The following FIGN variants were observed in gnomAD, a reference collection of about 807,000 sequenced individuals.
The protein encoded by FIGN is fidgetin.
A neutral mutation model predicts 51.3 loss-of-function variants in FIGN; 11 were observed. The observed-to-expected ratio is 0.21, with a 90% CI of 0.13 to 0.35. The LOEUF (loss-of-function observed/expected upper bound fraction) is 0.35. Ranked by LOEUF, FIGN falls within the 10% of genes least tolerant of loss-of-function variation. The probability of loss-of-function intolerance (pLI) is 1.00; values close to 1 mark genes in which losing one functional copy is unlikely to be tolerated. For missense variants in FIGN, 857 were observed against 943.6 expected, an observed-to-expected ratio of 0.91 and a Z score of 1.20; for synonymous variants, 407 against 363.2, an observed-to-expected ratio of 1.12 and a Z score of -1.37.
chr2:163,661,185 G>T (rs562892384), intron 2 of FIGN, among the ~76,000 whole-genome samples: 157 of 149,926 alleles, frequency 1.0e-3, no homozygotes, highest in Middle Eastern at 0.01. Flanking sequence ...CGCCTGGCTA[G>T]ATTTTTTTAA....
chr2:163,663,514 A>G (rs1209864036), intron 2 of FIGN, among the ~76,000 whole-genome samples: 2 of 151,252 alleles, frequency 1.3e-5, no homozygotes, highest in East Asian at 4.1e-4. Flanking sequence ...TTGTATTTTT[A>G]GTAGAGACGG....
At chr2:163,655,617 C>T (rs1683546409) in intron 2 of FIGN, among the ~76,000 whole-genome samples, 1 of 152,082 alleles carries the variant, frequency 6.6e-6, no homozygotes, top group Non-Finnish European at 1.5e-5. Context: ...TGTTTTCATA[C>T]ATCATATTGG....
At chr2:163,691,901 T>A (rs1202446713) in intron 2 of FIGN, among the ~76,000 whole-genome samples, 1 of 152,186 alleles carries the variant, frequency 6.6e-6, no homozygotes, top group Non-Finnish European at 1.5e-5. Flanking sequence ...CCAAATCTTT[T>A]TAAGTTTCTT....
chr2:163,697,775 A>G (rs1684346480), intron 2 of FIGN, among the ~76,000 whole-genome samples: 1 of 152,196 alleles, frequency 6.6e-6, no homozygotes, highest in South Asian at 2.1e-4. Flanking sequence ...AATAGAGATA[A>G]TAAGAGTTAT....
chr2:163,717,309 G>A (rs951310830), intron 2 of FIGN, among the ~76,000 whole-genome samples: 2 of 152,142 alleles, frequency 1.3e-5, no homozygotes. Context: ...GAGAAAGAGA[G>A]CAATTTTTGC....
rs1259989176 is a variant in FIGN, at chr2:163,730,485, T to C, written c.25+4418A>G. On this transcript the variant is annotated intron_variant, in intron 2 of 2. Transcript: ENST00000333129. ...AATAAACAATAATATAGGTACAATC[T>C]CTCTCTCTTGCTCCGTGTTTGTGTG... Among the ~76,000 whole-genome samples the C allele has an allele frequency of 2.0e-5, 3 of 149,968 alleles. No individual in the cohort carries two copies. The East Asian group carries it at 5.9e-4, about 29-fold the overall frequency.
At chr2:163,709,128 C>T (rs1684548588) in intron 2 of FIGN, among the ~76,000 whole-genome samples, 1 of 152,052 alleles carries the variant, frequency 6.6e-6, no homozygotes, top group South Asian at 2.1e-4. Context: ...TTTCCACGTG[C>T]ATCACATAAC....
intron 2 of FIGN, among the ~76,000 whole-genome samples, chr2:163,707,769 G>T (rs1457306684): frequency 6.6e-6 from 1 of 151,968 alleles, no homozygotes; most frequent in African/African-American, 2.4e-5. Context: ...TGAAGAGTGG[G>T]CATTTTTTCT....
chr2:163,672,640 T>C (rs934893873), intron 2 of FIGN, among the ~76,000 whole-genome samples: 1 of 152,116 alleles, frequency 6.6e-6, no homozygotes, highest in African/African-American at 2.4e-5. Flanking sequence ...AAGTGCCGAT[T>C]CCATGCTTCA....
At chr2:163,726,385 T>A (rs1684838533) in intron 2 of FIGN, among the ~76,000 whole-genome samples, 1 of 152,072 alleles carries the variant, frequency 6.6e-6, no homozygotes, top group African/African-American at 2.4e-5. Context: ...TAAAATTGAC[T>A]CCAGATTTGC....
At chr2:163,642,069 A>T (rs1401182157) in intron 2 of FIGN, among the ~76,000 whole-genome samples, 1 of 152,204 alleles carries the variant, frequency 6.6e-6, no homozygotes, top group Non-Finnish European at 1.5e-5. Context: ...TTGTCATTTT[A>T]TGTGAAATAT....
chr2:163,614,845 AC>A (rs962625063), intron 2 of FIGN, among the ~76,000 whole-genome samples: 1 of 151,948 alleles, frequency 6.6e-6, no homozygotes, highest in Non-Finnish European at 1.5e-5. Context: ...GGAGGTGGGA[AC>A]CCCCCACCTG....
chr2:163,705,152 CAT>C (rs1015702156), intron 2 of FIGN, among the ~76,000 whole-genome samples: 83 of 152,212 alleles, frequency 5.5e-4, no homozygotes, highest in African/African-American at 1.6e-3. Context: ...TGTAAAGAAA[CAT>C]GTGTTTAATA....
At position 163,717,320 on chromosome 2, in the gene FIGN, A is replaced by T. The variant is rs114395162; in HGVS notation, c.25+17583T>A. 7.1e-3 allele frequency among the ~76,000 whole-genome samples: 1,083 copies of T among 152,280 alleles called. 12 individuals carry two copies. The highest frequency in any genetic ancestry group is 0.024 in the African/African-American group (998 of 41,558). On this transcript the variant is annotated intron_variant, in intron 2 of 2. Transcript: ENST00000333129. ...GGCAGAGAAAGAGAGCAATTTTTGC[A>T]CTGTTATGTTTTATTACCAAAGTAA... is the stretch of plus-strand genomic sequence containing the variant.
Position 163,611,823 on chromosome 2 carries a change from G to A in FIGN, c.26-17C>T, listed in dbSNP as rs758616478. The A allele has an allele frequency of 3.2e-6, 5 of 1,580,504 alleles. No homozygotes were observed. Among genetic ancestry groups the A allele is most frequent in the South Asian group, 1.1e-5 (1 of 88,486 alleles). On this transcript the variant is annotated splice_polypyrimidine_tract_variant and intron_variant, in intron 2 of 2. Coordinates refer to ENST00000333129, the MANE Select transcript of FIGN (RefSeq NM_018086.4). ...TCTTCAAGCCTAAGAATTTTGGGGG[G>A]AAAAGAGTTAATTTACTTAAATAGG...
At chr2:163,670,645 C>A (rs1683861263) in intron 2 of FIGN, among the ~76,000 whole-genome samples, 1 of 152,096 alleles carries the variant, frequency 6.6e-6, no homozygotes, top group African/African-American at 2.4e-5. Context: ...ATGTCTTGGT[C>A]GATGTATATA....
intron 2 of FIGN, among the ~76,000 whole-genome samples, chr2:163,669,922 C>A (rs915642136): frequency 6.6e-6 from 1 of 152,110 alleles, no homozygotes; most frequent in Non-Finnish European, 1.5e-5. Flanking sequence ...AATTCTCGAT[C>A]GTAACCTACT....
At chr2:163,648,799 A>G (rs983260160) in intron 2 of FIGN, among the ~76,000 whole-genome samples, 2 of 152,154 alleles carry the variant, frequency 1.3e-5, no homozygotes, top group Non-Finnish European at 2.9e-5. Flanking sequence ...TGAATGCAAA[A>G]TATTTTCCCA....
chr2:163,663,232 G>C (rs1422240188), intron 2 of FIGN, among the ~76,000 whole-genome samples: 1 of 151,168 alleles, frequency 6.6e-6, no homozygotes, highest in South Asian at 2.1e-4. Flanking sequence ...AAAAAATAAT[G>C]TTGGTTTTTT....
Sources: gnomAD v4.1 joint callset for allele counts (sites outside exome capture counted in the v4.1 genomes callset) on GRCh38, gnomAD v4.1.1 for gene constraint, MANE v1.5 for transcripts, NCBI Gene and HGNC (gene_info 2026-07-23, HGNC 2026-07-21) for gene names.